Variants in FAN1 observed in about 807,000 individuals in gnomAD.
FAN1 encodes fanconi-associated nuclease 1.
In FAN1, 91 loss-of-function variants were observed where a neutral mutation model predicts 104.9. The observed-to-expected ratio is 0.87, with a 90% confidence interval of 0.73 to 1.03. The LOEUF (loss-of-function observed/expected upper bound fraction) is 1.03. FAN1 is among the 50% of genes least tolerant of loss of function. The pLI is 0.00. For synonymous variants in FAN1, 478 were observed against 457.6 expected (o/e 1.04, Z -0.57); for missense variants, 1,263 against 1,239.9 (o/e 1.02, Z -0.28).
chr15:30,905,138 TTG>T lies in FAN1; in HGVS notation c.477_478del (p.Leu159PhefsTer8). ...TTGTTTGGGAAGCCTAGCATCTAAA[TTG>T]TCCAGAAAATACGTAAAGGCTAAAA... Reference protein sequence around the residue: ...VICLGSLASKLSRKYVKAKKS... With the variant: ...VICLGSLASKXSRKYVKAKKS... On this transcript the variant is annotated frameshift_variant, in exon 2 of 15. Transcript: ENST00000362065. LOFTEE classifies it high-confidence loss of function. The T allele has an allele frequency of 6.2e-7, 1 of 1,613,958 alleles. No homozygotes were observed. Among genetic ancestry groups the T allele is most frequent in the Non-Finnish European group, 8.5e-7 (1 of 1,180,024 alleles).
intron 11 of FAN1, 74 bp from the exon 12 acceptor site, chr15:30,929,129 T>G: frequency 1.5e-6 from 2 of 1,314,760 alleles, no homozygotes; most frequent in Non-Finnish European, 2.1e-6. Flanking sequence ...AAGTTTTGTA[T>G]GTACTGACTA....
At chr15:30,941,542 T>A in intron 14 of FAN1, 24 bp from the exon 15 acceptor site, 1 of 1,608,310 alleles carries the variant, frequency 6.2e-7, no homozygotes, top group Non-Finnish European at 8.5e-7. Context: ...TTAATGGTGT[T>A]CCTAAAATGC....
At position 30,913,879 on chromosome 15, in the gene FAN1, G is replaced by A. The variant is rs1222587505; in HGVS notation, c.1599G>A (p.Gln533=). The change falls in exon 5 of 15, where the codon CAG becomes CAA. Residue 533 remains glutamine, a synonymous_variant. Transcript: ENST00000362065. ...ILKRAKALAG[Q]SVRICKGPRA... is the part of the protein sequence containing the mutation. ...TCAGAGCCAAAGCCTTGGCTGGACA[G>A]TCAGTACGAATCTGTAAAGGCCCCA... The A allele has an allele frequency of 1.2e-6, 2 of 1,613,484 alleles. No individual in the cohort carries two copies. Among genetic ancestry groups the A allele is most frequent in the Middle Eastern group, 1.6e-4 (1 of 6,084 alleles).
chr15:30,924,136 CAT>C (rs2062401489), intron 8 of FAN1, among the ~76,000 whole-genome samples: 1 of 152,234 alleles, frequency 6.6e-6, no homozygotes, highest in South Asian at 2.1e-4. Context: ...TGCTCAGCAT[CAT>C]GTTTCTGAGC....
chr15:30,919,821 G>C (rs1287509203), intron 6 of FAN1, among the ~76,000 whole-genome samples: 1 of 152,122 alleles, frequency 6.6e-6, no homozygotes, highest in Admixed American at 6.5e-5. Flanking sequence ...GACGAGGAGA[G>C]AGAGGAGGGC....
chr15:30,935,888 T>C (rs2062838520), intron 13 of FAN1, among the ~76,000 whole-genome samples: 1 of 152,110 alleles, frequency 6.6e-6, no homozygotes, highest in African/African-American at 2.4e-5. Flanking sequence ...CTATATCCCC[T>C]GATTATACAG....
At chr15:30,941,163 GATA>G (rs2063035123) in intron 14 of FAN1, 1 of 1,319,350 alleles carries the variant, frequency 7.6e-7, no homozygotes, top group African/African-American at 1.5e-5. Flanking sequence ...CTGACTATCA[GATA>G]GCCTTCAGGA....
Position 30,905,051 on chromosome 15 carries a change from A to G in FAN1, c.388A>G (p.Lys130Glu), listed in dbSNP as rs745324598. 6.2e-7 allele frequency: 1 copy of G among 1,613,936 alleles called. No homozygotes were observed. Among genetic ancestry groups the G allele is most frequent in the African/African-American group, 1.3e-5 (1 of 74,918 alleles). ...EVKQKISPYF[K>E]SNDVVCKNQD... is the part of the protein sequence containing the mutation. ...AAAGCAGAAGATCAGTCCCTACTTT[A>G]AAAGTAATGATGTGGTGTGCAAAAA... The change falls in exon 2 of 15, where the codon AAA becomes GAA. Residue 130 changes from lysine to glutamate, a missense_variant. By Grantham distance (56) the Lys-to-Glu change is moderately conservative (BLOSUM62 1). This residue lies in a region of FAN1 where 682 missense variants were observed against 571.1 expected (regional missense o/e 1.19). Coordinates refer to ENST00000362065, the MANE Select transcript of FAN1 (RefSeq NM_014967.5).
chr15:30,928,348 T>C, intron 10 of FAN1: 1 of 1,319,288 alleles, frequency 7.6e-7, no homozygotes, highest in African/African-American at 1.5e-5. Context: ...ATTTTTGCCC[T>C]TAAGGCTCTG....
chr15:30,908,061 CTTAGGT>C, intron 2 of FAN1, 51 bp from the exon 3 acceptor site: 1 of 1,466,198 alleles, frequency 6.8e-7, no homozygotes, highest in Non-Finnish European at 9.3e-7. Flanking sequence ...ATTTATTCAC[CTTAGGT>C]TTAAAAGGTA....
At chr15:30,921,571 A>C (rs1289249460) in intron 7 of FAN1, among the ~76,000 whole-genome samples, 1 of 152,182 alleles carries the variant, frequency 6.6e-6, no homozygotes, top group Non-Finnish European at 1.5e-5. Context: ...GGATGTGCTA[A>C]GCTGGTTTCT....
chr15:30,913,944 C>T lies in FAN1; in HGVS notation c.1664C>T (p.Thr555Ile), dbSNP rs748396154. The change falls in exon 5 of 15, where the codon ACC becomes ATC. Residue 555 changes from threonine (T) to isoleucine (I), a missense_variant. Physicochemically the swap from Thr to Ile is moderately conservative, Grantham distance 89 (BLOSUM62 -1). Transcript: ENST00000362065. ...FSRILLLFSL[T>I]DSMEDEDAAC... ...CGCATCTTGCTACTGTTTTCGTTGA[C>T]CGACTCAATGGAAGATGAAGACGCC... 1 of 1,614,168 alleles carries T rather than the reference C, an allele frequency of 6.2e-7. No homozygotes were observed. The highest frequency in any genetic ancestry group is 2.2e-5 in the East Asian group (1 of 44,888).
Position 30,942,784 on chromosome 15 carries a change from G to A in FAN1, c.*1222G>A. 8.7e-7 allele frequency: 1 copy of A among 1,150,050 alleles called. No homozygotes were observed. The highest frequency in any genetic ancestry group is 1.6e-5 in the African/African-American group (1 of 63,208). 71.2% of individuals were successfully genotyped at this position (1,150,050 alleles called of 1,614,324 possible). ...AATGACCCCTCAGAAACCCGCATTA[G>A]CAGTGTTACTCTTGGAAGTGCCTTT... On this transcript the variant is annotated 3_prime_UTR_variant, in exon 15 of 15. Coordinates refer to ENST00000362065, the MANE Select transcript of FAN1 (RefSeq NM_014967.5).
intron 4 of FAN1, among the ~76,000 whole-genome samples, chr15:30,913,208 C>T (rs1037834622): frequency 2.6e-5 from 4 of 152,144 alleles, no homozygotes; most frequent in African/African-American, 4.8e-5. Flanking sequence ...AGTGTGAACC[C>T]TATTGTGAAC....
intron 5 of FAN1, among the ~76,000 whole-genome samples, chr15:30,917,602 G>A (rs1214017032): frequency 6.6e-6 from 1 of 152,192 alleles, no homozygotes; most frequent in Non-Finnish European, 1.5e-5. Context: ...TTGGTCAAAT[G>A]TCTTTGTTTT....
rs1264086566 is a variant in FAN1 at position 30,922,278 on chromosome 15, A to G, written c.2096A>G (p.Tyr699Cys). Residue 699 changes from tyrosine to cysteine, a missense_variant, in exon 8 of 15, where the codon TAT (tyrosine) becomes TGT (cysteine). Physicochemically the swap from Tyr to Cys is radical, Grantham distance 194. Around this residue, in one of 2 missense-constraint regions of FAN1, gnomAD observed 581 missense variants for 668.8 expected, o/e 0.87. Transcript: ENST00000362065. ...GAAAGCCTTTTGTCTCAGAGAATTT[A>G]TTGTCCTGACAGCAGAGGCCGATGG... ...ELESLLSQRI[Y>C]CPDSRGRWWD... is the part of the protein sequence containing the mutation. 6.2e-7 allele frequency: 1 copy of G among 1,613,796 alleles called. No homozygotes were observed. Among genetic ancestry groups the G allele is most frequent in the Non-Finnish European group, 8.5e-7 (1 of 1,179,938 alleles).
intron 2 of FAN1, among the ~76,000 whole-genome samples, chr15:30,907,645 A>G (rs2062012669): frequency 6.6e-6 from 1 of 152,266 alleles, no homozygotes; most frequent in South Asian, 2.1e-4. Context: ...AATTTTCAAA[A>G]TACAATTAAG....
intron 13 of FAN1, among the ~76,000 whole-genome samples, chr15:30,935,788 A>G (rs2062835639): frequency 6.6e-6 from 1 of 152,210 alleles, no homozygotes; most frequent in Non-Finnish European, 1.5e-5. Context: ...AATACTTTAA[A>G]AATATTAGTC....
intron 4 of FAN1, among the ~76,000 whole-genome samples, chr15:30,912,336 G>T (rs1478126763): frequency 6.6e-6 from 1 of 151,930 alleles, no homozygotes; most frequent in Non-Finnish European, 1.5e-5. Flanking sequence ...TTATGATAAA[G>T]AAACAGAAAC....
Sources: allele counts gnomAD v4.1 joint callset (sites outside exome capture counted in the v4.1 genomes callset), GRCh38; gene constraint gnomAD v4.1.1; regional missense constraint gnomAD v4.1.1; transcripts MANE v1.5; gene names NCBI Gene and HGNC (gene_info 2026-07-23, HGNC 2026-07-21).